The following VNN1 variants were observed in gnomAD, a reference collection of about 807,000 sequenced individuals.
The protein encoded by VNN1 is pantetheinase.
A neutral mutation model predicts 41.9 loss-of-function variants in VNN1; 29 were observed. That is an observed-to-expected ratio of 0.69 (90% CI 0.52 to 0.94). The LOEUF (loss-of-function observed/expected upper bound fraction) is 0.94. VNN1 is among the 40% of genes least tolerant of loss of function. The probability of loss-of-function intolerance (pLI) is 0.00; values close to 1 mark genes in which losing one functional copy is unlikely to be tolerated. For synonymous variants in VNN1, 233 were observed against 224.4 expected (o/e 1.04, Z -0.34); for missense variants, 637 against 621.1 (o/e 1.03, Z -0.27).
chr6:132,704,406 G>A (rs954272644), intron 2 of VNN1, among the ~76,000 whole-genome samples: 2 of 151,998 alleles, frequency 1.3e-5, no homozygotes, highest in Non-Finnish European at 2.9e-5. Flanking sequence ...ATAGCAAAGG[G>A]AATTTTGAAA....
At chr6:132,712,829 A>T (rs1778624197) in intron 1 of VNN1, among the ~76,000 whole-genome samples, 2 of 152,164 alleles carry the variant, frequency 1.3e-5, no homozygotes, top group African/African-American at 4.8e-5. Flanking sequence ...TAACCTTTTA[A>T]ATATTAGTAT....
rs2114378762 is a variant in VNN1, at chr6:132,711,843, T to C, written c.211-4A>G. ...GAGTCACAATAATATGCGCACCCTG[T>C]TAAAAATGCAACTTAATCCAAAGGG... On this transcript the variant is annotated splice_polypyrimidine_tract_variant and splice_region_variant and intron_variant, in intron 1 of 6. Transcript: ENST00000367928. The C allele has an allele frequency of 6.2e-7, 1 of 1,612,528 alleles. No individual in the cohort carries two copies. Among genetic ancestry groups the C allele is most frequent in the East Asian group, 2.2e-5 (1 of 44,824 alleles).
In VNN1 at chr6:132,692,263, A is replaced by G. The variant is rs1178583909; in HGVS notation, c.1148T>C (p.Phe383Ser). ...IPNEVYALGA[F>S]DGLHTVEGRY... ...CCCTTCCACAGTGTGCAGTCCGTCA[A>G]ATGCCCCTAGAGCGTACACTTCATT... The change falls in exon 5 of 7, where the codon TTT becomes TCT. Residue 383 changes from phenylalanine to serine, a missense_variant. Phe to Ser is a radical substitution (Grantham distance 155, BLOSUM62 -2). Coordinates refer to ENST00000367928, the MANE Select transcript of VNN1 (RefSeq NM_004666.3). 3 of 1,609,632 alleles carry G rather than the reference A, an allele frequency of 1.9e-6. No homozygotes were observed. Among genetic ancestry groups the G allele is most frequent in the Non-Finnish European group, 2.5e-6 (3 of 1,177,770 alleles).
At chr6:132,707,138 AT>A (rs1778530549) in intron 2 of VNN1, among the ~76,000 whole-genome samples, 1 of 151,102 alleles carries the variant, frequency 6.6e-6, no homozygotes, top group Admixed American at 6.6e-5. Context: ...AGGCAGGAGA[AT>A]TGCTTGAACC....
chr6:132,701,825 G>A (rs569914355), intron 2 of VNN1, among the ~76,000 whole-genome samples: 1 of 152,364 alleles, frequency 6.6e-6, no homozygotes, highest in African/African-American at 2.4e-5. Flanking sequence ...ATGGTGTGGA[G>A]AGAAAATTTG....
intron 5 of VNN1, among the ~76,000 whole-genome samples, chr6:132,688,284 G>A (rs544865814): frequency 7.9e-5 from 12 of 152,172 alleles, no homozygotes; most frequent in African/African-American, 2.7e-4. Flanking sequence ...TTTTCCAATA[G>A]ATATATTAAT....
chr6:132,703,667 C>CA (rs1380905623), intron 2 of VNN1, among the ~76,000 whole-genome samples: 2 of 151,384 alleles, frequency 1.3e-5, no homozygotes, highest in African/African-American at 2.4e-5. Context: ...AACCAGAAAA[C>CA]AAAAAAACAA....
At chr6:132,706,468 A>G (rs919497981) in intron 2 of VNN1, among the ~76,000 whole-genome samples, 5 of 152,222 alleles carry the variant, frequency 3.3e-5, no homozygotes, top group African/African-American at 1.2e-4. Flanking sequence ...GAAGAATGAA[A>G]GTAGACCCCT....
At chr6:132,709,011 C>T (rs1427111819) in intron 2 of VNN1, among the ~76,000 whole-genome samples, 1 of 152,154 alleles carries the variant, frequency 6.6e-6, no homozygotes, top group Non-Finnish European at 1.5e-5. Context: ...TCTATTGCCT[C>T]ATTTCTTTCA....
At chr6:132,695,420 C>T (rs1378100739) in intron 2 of VNN1, among the ~76,000 whole-genome samples, 2 of 152,168 alleles carry the variant, frequency 1.3e-5, no homozygotes, top group Non-Finnish European at 2.9e-5. Context: ...GCTGCCATGT[C>T]TGTGTTCCTA....
intron 1 of VNN1, among the ~76,000 whole-genome samples, chr6:132,713,081 G>A (rs900739374): frequency 6.6e-6 from 1 of 152,206 alleles, no homozygotes; most frequent in Non-Finnish European, 1.5e-5. Context: ...GCTGCAGTGA[G>A]ACGTGATCAC....
At chr6:132,708,477 G>A (rs1248545770) in intron 2 of VNN1, among the ~76,000 whole-genome samples, 1 of 152,072 alleles carries the variant, frequency 6.6e-6, no homozygotes. Context: ...TTCCTTTAAC[G>A]CTCAGTCTAA....
In VNN1 at chr6:132,681,130, G is replaced by A. The variant is rs2064312; in HGVS notation, c.*2010C>T. Among the ~76,000 whole-genome samples, 41,544 of 151,952 alleles carry A rather than the reference G, an allele frequency of 0.27. 6,528 individuals are homozygous for A. Among genetic ancestry groups the A allele is most frequent in the Middle Eastern group, 0.39 (115 of 294 alleles). On this transcript the variant is annotated 3_prime_UTR_variant, in exon 7 of 7. Transcript: ENST00000367928. ...TTCTGTCCACGTTGTGCCATTGTTG[G>A]TCCATGTGACCAACATCATGTGGAA...
At chr6:132,698,415 A>C (rs1562217976) in intron 2 of VNN1, among the ~76,000 whole-genome samples, 1 of 152,242 alleles carries the variant, frequency 6.6e-6, no homozygotes, top group Non-Finnish European at 1.5e-5. Context: ...CTGGGGGAAG[A>C]ATATTCCAGG....
Position 132,681,379 on chromosome 6 carries a change from G to A in VNN1, c.*1761C>T, listed in dbSNP as rs939161968. On this transcript the variant is annotated 3_prime_UTR_variant, in exon 7 of 7. Transcript: ENST00000367928. ...TCCAGCCCCACCCGAGCCTTGAGAT[G>A]ATGGCAGCCCTGGGGACAAGTTAAC... Among the ~76,000 whole-genome samples the A allele has an allele frequency of 2.0e-5, 3 of 152,174 alleles. No individual in the cohort carries two copies. Among genetic ancestry groups the A allele is most frequent in the Non-Finnish European group, 4.4e-5 (3 of 68,024 alleles).
intron 1 of VNN1, among the ~76,000 whole-genome samples, chr6:132,713,162 G>A (rs1481472184): frequency 6.6e-6 from 1 of 152,074 alleles, no homozygotes; most frequent in Admixed American, 6.6e-5. Context: ...TATATTTATA[G>A]ATATATGTAA....
chr6:132,692,345 CT>C lies in VNN1; in HGVS notation c.1065del (p.Val356PhefsTer10), dbSNP rs1245670991. 9.9e-6 allele frequency: 16 copies of C among 1,614,090 alleles called. No individual in the cohort carries two copies. Among genetic ancestry groups the C allele is most frequent in the Non-Finnish European group, 1.3e-5 (15 of 1,180,034 alleles). On this transcript the variant is annotated frameshift_variant, in exon 5 of 7. Coordinates refer to ENST00000367928, the MANE Select transcript of VNN1 (RefSeq NM_004666.3). LOFTEE classifies it high-confidence loss of function. ...VKLTGVAGNYTVCQKDLCCHL... is the reference protein window; with the variant it reads ...VKLTGVAGNYXVCQKDLCCHL... ...TGACAGCAGAGATCTTTCTGACAAA[CT>C]GTATAATTTCCTGCAACTCCTGTGA...
At position 132,692,237 on chromosome 6, in the gene VNN1, G is replaced by T; in HGVS notation, c.1174C>A (p.Arg392Ser). Residue 392 changes from arginine (R) to serine (S), a missense_variant, in exon 5 of 7, where the codon CGC becomes AGC. By Grantham distance (110) the Arg-to-Ser change is moderately radical. Coordinates refer to ENST00000367928, the MANE Select transcript of VNN1 (RefSeq NM_004666.3). ...CAAAATATTACCTGTAGATAATAGC[G>T]CCCTTCCACAGTGTGCAGTCCGTCA... Reference protein sequence around the residue: ...AFDGLHTVEGRYYLQICTLLK... With the variant: ...AFDGLHTVEGSYYLQICTLLK... The T allele has an allele frequency of 1.3e-6, 2 of 1,572,604 alleles. No individual in the cohort carries two copies. Among genetic ancestry groups the T allele is most frequent in the Non-Finnish European group, 1.7e-6 (2 of 1,160,436 alleles).
chr6:132,684,019 G>A (rs530117850), intron 6 of VNN1, among the ~76,000 whole-genome samples: 7 of 152,124 alleles, frequency 4.6e-5, no homozygotes, highest in African/African-American at 1.4e-4. Flanking sequence ...ACTCCCCAGT[G>A]GTCCTAAGGG....
Sources: allele counts gnomAD v4.1 joint callset (sites outside exome capture counted in the v4.1 genomes callset), GRCh38; gene constraint gnomAD v4.1.1; transcripts MANE v1.5; gene names NCBI Gene and HGNC (gene_info 2026-07-23, HGNC 2026-07-21).